The following SNX13 variants were observed in gnomAD, a reference collection of about 807,000 sequenced individuals.
The protein encoded by SNX13 is sorting nexin 13.
Under a neutral mutation model 133.6 loss-of-function variants are expected in SNX13, and 45 were observed. The ratio of observed to expected loss-of-function variants is 0.34; its 90% CI spans 0.27 to 0.43. The LOEUF is 0.43. SNX13 is among the 20% of genes least tolerant of loss of function. The pLI is 1.00. For synonymous variants in SNX13, 414 were observed against 373.9 expected (o/e 1.11, Z -1.24); for missense variants, 1,032 against 1,145.1 (o/e 0.90, Z 1.43).
chr7:17,812,343 G>A (rs759463265), intron 20 of SNX13, among the ~76,000 whole-genome samples: 4 of 152,052 alleles, frequency 2.6e-5, no homozygotes, highest in Admixed American at 6.6e-5. Context: ...CGAACGATAC[G>A]AACAGACACT....
At chr7:17,811,112 C>T (rs1471193453) in intron 20 of SNX13, among the ~76,000 whole-genome samples, 1 of 152,154 alleles carries the variant, frequency 6.6e-6, no homozygotes, top group African/African-American at 2.4e-5. Context: ...CCTCTCTCAC[C>T]ACTCCTGTTC....
At chr7:17,802,909 ATTC>A (rs1257947979) in intron 21 of SNX13, among the ~76,000 whole-genome samples, 10 of 152,218 alleles carry the variant, frequency 6.6e-5, no homozygotes, top group African/African-American at 2.4e-4. Context: ...TCCCTGTGAA[ATTC>A]TTCTATGACA....
chr7:17,921,231 A>G (rs1003159217), intron 1 of SNX13, among the ~76,000 whole-genome samples: 10 of 152,184 alleles, frequency 6.6e-5, no homozygotes, highest in African/African-American at 2.4e-4. Flanking sequence ...ATTGGGCACT[A>G]CAGGACTGCT....
chr7:17,866,972 A>G (rs182563264), intron 9 of SNX13, among the ~76,000 whole-genome samples: 1 of 152,354 alleles, frequency 6.6e-6, no homozygotes, highest in African/African-American at 2.4e-5. Context: ...CATGTACTCC[A>G]TAAATATGTA....
intron 19 of SNX13, among the ~76,000 whole-genome samples, chr7:17,815,232 A>T (rs1786526277): frequency 6.6e-6 from 1 of 152,206 alleles, no homozygotes; most frequent in Admixed American, 6.5e-5. Flanking sequence ...CTTACAGCTT[A>T]TACTAAGAAG....
chr7:17,815,895 A>T (rs1786600893), intron 19 of SNX13, among the ~76,000 whole-genome samples: 1 of 152,212 alleles, frequency 6.6e-6, no homozygotes, highest in Non-Finnish European at 1.5e-5. Flanking sequence ...AAAAAATTCA[A>T]ATGTTTGAGC....
chr7:17,890,950 T>C (rs1293681401), intron 4 of SNX13, among the ~76,000 whole-genome samples: 2 of 151,970 alleles, frequency 1.3e-5, no homozygotes, highest in African/African-American at 4.8e-5. Flanking sequence ...AGTTCACTTA[T>C]TTCTACTAAT....
rs1022133339 is a variant in SNX13, at chr7:17,816,142, T to A, written c.1953+40A>T. 18 of 1,497,074 alleles carry A rather than the reference T, an allele frequency of 1.2e-5. No individual in the cohort carries two copies. The African/African-American group carries it at 2.3e-4, about 19-fold the overall frequency. 92.7% of individuals were successfully genotyped at this position (1,497,074 alleles called of 1,614,324 possible). A position where few individuals can be genotyped will look rare whatever the true frequency, so the allele number is the denominator to read the frequency against. On this transcript the variant is annotated intron_variant, in intron 19 of 25. Coordinates refer to ENST00000428135, the MANE Select transcript of SNX13 (RefSeq NM_015132.5). The stretch of plus-strand genomic sequence containing the variant: ...AAACATTCTACACCTGTGTGCTATA[T>A]TAAATGAAAATCTGTGGATTATAGT...
Position 17,793,858 on chromosome 7 carries a change from T to C in SNX13, c.*187A>G. Reference sequence around the variant, plus strand: ...CACCAAATCATTTAAGACACAGAAATCTCTCTTGGTAGTGGTGGATTATAG... The same window carrying C: ...CACCAAATCATTTAAGACACAGAAACCTCTCTTGGTAGTGGTGGATTATAG... On this transcript the variant is annotated 3_prime_UTR_variant, in exon 26 of 26. Coordinates refer to ENST00000428135, the MANE Select transcript of SNX13 (RefSeq NM_015132.5). 1.7e-6 allele frequency: 1 copy of C among 585,126 alleles called. No homozygotes were observed. The highest frequency in any genetic ancestry group is 2.7e-6 in the Non-Finnish European group (1 of 364,354). The allele number at this position is 585,126 out of a possible 1,614,324, so 36.2% of individuals were successfully genotyped here.
chr7:17,914,044 A>C (rs1799289198), intron 1 of SNX13, among the ~76,000 whole-genome samples: 1 of 152,116 alleles, frequency 6.6e-6, no homozygotes, highest in South Asian at 2.1e-4. Context: ...AGCTGTATTA[A>C]GAAAGAACCA....
chr7:17,872,802 C>T (rs1794266793), intron 8 of SNX13, among the ~76,000 whole-genome samples: 1 of 152,158 alleles, frequency 6.6e-6, no homozygotes, highest in South Asian at 2.1e-4. Flanking sequence ...TTTCACGTTA[C>T]GCATTCAACC....
chr7:17,838,951 T>C (rs1422072445), intron 13 of SNX13, among the ~76,000 whole-genome samples: 2 of 150,708 alleles, frequency 1.3e-5, no homozygotes, highest in African/African-American at 4.9e-5. Context: ...TACATATATG[T>C]ATTACAGTAT....
chr7:17,885,684 C>A (rs1308537122), intron 5 of SNX13, among the ~76,000 whole-genome samples: 1 of 152,026 alleles, frequency 6.6e-6, no homozygotes, highest in South Asian at 2.1e-4. Flanking sequence ...AAAAATTAGC[C>A]GGGAGTGGCA....
chr7:17,849,018 T>C (rs1226875034), intron 11 of SNX13, among the ~76,000 whole-genome samples: 1 of 152,200 alleles, frequency 6.6e-6, no homozygotes, highest in Non-Finnish European at 1.5e-5. Context: ...CACACTCTTT[T>C]AGATAACATC....
At chr7:17,845,822 T>C (rs528327404) in intron 11 of SNX13, 128 bp from the exon 12 acceptor site, 6 of 582,048 alleles carry the variant, frequency 1.0e-5, no homozygotes, top group African/African-American at 9.6e-5. Flanking sequence ...TTCTCATGCA[T>C]GTTGTTTCCC....
intron 9 of SNX13, among the ~76,000 whole-genome samples, chr7:17,857,786 T>G (rs1321180515): frequency 6.6e-6 from 1 of 151,960 alleles, no homozygotes; most frequent in East Asian, 1.9e-4. Context: ...AAAAAAATAC[T>G]AATAAACTTA....
chr7:17,816,395 C>T (rs1248620469), intron 18 of SNX13, 106 bp from the exon 19 acceptor site: 2 of 1,334,914 alleles, frequency 1.5e-6, no homozygotes, highest in East Asian at 5.9e-5. Flanking sequence ...GGTGCGGTGG[C>T]TCACGCCTGT....
At position 17,793,737 on chromosome 7, in the gene SNX13, T is replaced by C; in HGVS notation, c.*308A>G. 1 of 249,292 alleles carries C rather than the reference T, an allele frequency of 4.0e-6. No homozygotes were observed. Among genetic ancestry groups the C allele is most frequent in the South Asian group, 6.9e-5 (1 of 14,556 alleles). 15.4% of individuals were successfully genotyped at this position (249,292 alleles called of 1,614,324 possible). On this transcript the variant is annotated 3_prime_UTR_variant, in exon 26 of 26. Coordinates refer to ENST00000428135, the MANE Select transcript of SNX13 (RefSeq NM_015132.5). ...TTCATATATACACTCTGGCACTTTG[T>C]CATTGCTGGAGAATGCTGATTAGTT...
At chr7:17,886,709 T>C (rs906950464) in intron 5 of SNX13, among the ~76,000 whole-genome samples, 2 of 152,156 alleles carry the variant, frequency 1.3e-5, no homozygotes, top group Non-Finnish European at 2.9e-5. Context: ...CTTGTTATAG[T>C]TTCTACTACA....
Sources: gnomAD v4.1 joint callset for allele counts (sites outside exome capture counted in the v4.1 genomes callset) on GRCh38, gnomAD v4.1.1 for gene constraint, MANE v1.5 for transcripts, NCBI Gene and HGNC (gene_info 2026-07-23, HGNC 2026-07-21) for gene names.